CACNA1E: variants seen among roughly 807,000 people sequenced by gnomAD.
The protein encoded by CACNA1E is voltage-dependent R-type calcium channel subunit alpha-1E.
In CACNA1E, 40 loss-of-function variants were observed where a neutral mutation model predicts 259.2. The observed-to-expected ratio is 0.15, with a 90% CI of 0.12 to 0.20. CACNA1E has a LOEUF of 0.20. CACNA1E is among the 10% of genes least tolerant of loss of function. CACNA1E has a pLI of 1.00. For synonymous variants in CACNA1E, 1,104 were observed against 1,138.5 expected, an observed-to-expected ratio of 0.97 and a Z score of 0.61; for missense variants, 1,874 against 3,040.1, an observed-to-expected ratio of 0.62 and a Z score of 9.02.
chr1:181,328,453 G>A (rs1276118204), intron 1 of CACNA1E, among the ~76,000 whole-genome samples: 1 of 152,184 alleles, frequency 6.6e-6, no homozygotes, highest in East Asian at 1.9e-4. Context: ...CAGTGAGCAA[G>A]CCTTTTTCAG....
rs142608889 is a variant in CACNA1E at position 181,664,303 on chromosome 1, G to T, written c.1055+12862G>T. The stretch of plus-strand genomic sequence containing the variant: ...CAACAGAGATGTGATTTACACACAT[G>T]CCCCAGCACAACAACAAAGTGCTCT... On this transcript the variant is annotated intron_variant, in intron 7 of 47. Coordinates refer to ENST00000367573, the MANE Select transcript of CACNA1E (RefSeq NM_001205293.3). 1.8e-3 allele frequency among the ~76,000 whole-genome samples: 272 copies of T among 152,298 alleles called. 2 individuals carry two copies. The highest frequency in any genetic ancestry group is 6.2e-3 in the African/African-American group (259 of 41,562).
At chr1:181,452,494 G>T (rs558658532) in intron 2 of CACNA1E, among the ~76,000 whole-genome samples, 1 of 152,270 alleles carries the variant, frequency 6.6e-6, no homozygotes, top group African/African-American at 2.4e-5. Flanking sequence ...GATGCCTTGG[G>T]CTTGCAGGTG....
intron 1 of CACNA1E, among the ~76,000 whole-genome samples, chr1:181,321,154 T>C (rs1232639860): frequency 6.6e-6 from 1 of 152,134 alleles, no homozygotes; most frequent in African/African-American, 2.4e-5. Flanking sequence ...TCGAGGACGG[T>C]GCCAAGCCAT....
chr1:181,758,179 GACACCCCA>G lies in CACNA1E; in HGVS notation c.4494+72_4494+79del. On this transcript the variant is annotated intron_variant, in intron 31 of 47. Transcript: ENST00000367573. The surrounding 1 kb of genome is among the most constrained non-coding windows in gnomAD (Gnocchi z 4.2). ...GGTTCCCTCCCAGGGCAAGTGGGAA[GACACCCCA>G]ACATCCCAGCCCATCACTGCTTTAC... is the stretch of plus-strand genomic sequence containing the variant. 1 of 1,404,200 alleles carries G rather than the reference GACACCCCA, an allele frequency of 7.1e-7. No individual in the cohort carries two copies. Among genetic ancestry groups the G allele is most frequent in the Non-Finnish European group, 1.0e-6 (1 of 1,001,266 alleles). 87.0% of individuals were successfully genotyped at this position (1,404,200 alleles called of 1,614,324 possible).
At chr1:181,676,388 A>G (rs772488193) in intron 7 of CACNA1E, among the ~76,000 whole-genome samples, 1 of 152,166 alleles carries the variant, frequency 6.6e-6, no homozygotes, top group African/African-American at 2.4e-5. Context: ...TTTCCATAAT[A>G]TAATCGGTGT....
chr1:181,555,887 G>A (rs766649774), intron 3 of CACNA1E, among the ~76,000 whole-genome samples: 2 of 152,178 alleles, frequency 1.3e-5, no homozygotes, highest in Non-Finnish European at 2.9e-5. Context: ...CCTTTCTTAA[G>A]CTTTATGAAG....
chr1:181,472,739 A>G (rs1157523712), intron 2 of CACNA1E, among the ~76,000 whole-genome samples: 1 of 152,218 alleles, frequency 6.6e-6, no homozygotes, highest in Non-Finnish European at 1.5e-5. Flanking sequence ...GTGCGCGCGC[A>G]CTTGAGGTAT....
intron 3 of CACNA1E, among the ~76,000 whole-genome samples, chr1:181,564,564 T>G (rs1289040858): frequency 6.6e-6 from 1 of 152,208 alleles, no homozygotes; most frequent in Non-Finnish European, 1.5e-5. Flanking sequence ...TGGAATCAAC[T>G]TCTTCCAAAT....
intron 38 of CACNA1E, among the ~76,000 whole-genome samples, chr1:181,780,401 C>T (rs1660322218): frequency 6.6e-6 from 1 of 152,164 alleles, no homozygotes; most frequent in African/African-American, 2.4e-5. Context: ...TACTAAGCCC[C>T]TATGTGAGGC....
At chr1:181,443,334 T>C (rs1660613533) in intron 2 of CACNA1E, among the ~76,000 whole-genome samples, 1 of 152,222 alleles carries the variant, frequency 6.6e-6, no homozygotes, top group African/African-American at 2.4e-5. Flanking sequence ...CAGTAGATGT[T>C]TGACACGAAC....
intron 35 of CACNA1E, among the ~76,000 whole-genome samples, chr1:181,769,464 T>TGAG (rs1284228888): frequency 6.6e-6 from 1 of 150,738 alleles, no homozygotes; most frequent in Non-Finnish European, 1.5e-5. Flanking sequence ...TTTGTAAAGA[T>TGAG]GAGGTCTCAC....
intron 10 of CACNA1E, 125 bp from the exon 11 acceptor site, chr1:181,716,968 C>G (rs1490073173): frequency 4.1e-6 from 3 of 733,484 alleles, no homozygotes; most frequent in Non-Finnish European, 7.0e-6. Flanking sequence ...GGGGATTCCC[C>G]ACACCTGCAA....
intron 1 of CACNA1E, among the ~76,000 whole-genome samples, chr1:181,405,128 TA>T (rs1657373380): frequency 6.6e-6 from 1 of 152,232 alleles, no homozygotes; most frequent in Non-Finnish European, 1.5e-5. Flanking sequence ...GTGCTGTCCA[TA>T]ACTTTACTGC....
At chr1:181,708,488 C>T (rs1653013081) in intron 7 of CACNA1E, among the ~76,000 whole-genome samples, 1 of 152,156 alleles carries the variant, frequency 6.6e-6, no homozygotes, top group South Asian at 2.1e-4. Context: ...TGATCATGTT[C>T]CTCCGGTCGT....
Position 181,451,359 on chromosome 1 carries a change from G to GGGTTCCTGTGGTAGGGTTCC in CACNA1E, c.435-32385_435-32384insGGTTCCTGTGGTAGGGTTCC, listed in dbSNP as rs539984670. ...TTCCTGTGGTAGGGTTCCTGTGGCA[G>GGGTTCCTGTGGTAGGGTTCC]TTGGTTGTAAAAAGACAAGAGCTGA... On this transcript the variant is annotated intron_variant, in intron 2 of 11. Coordinates refer to the CACNA1E transcript ENST00000524607. Among the ~76,000 whole-genome samples the GGGTTCCTGTGGTAGGGTTCC allele has an allele frequency of 6.2e-3, 938 of 152,244 alleles. 6 individuals are homozygous for GGGTTCCTGTGGTAGGGTTCC. The highest frequency in any genetic ancestry group is 0.01 in the Non-Finnish European group (711 of 68,006).
chr1:181,419,127 G>C (rs775103847), intron 2 of CACNA1E, among the ~76,000 whole-genome samples: 19 of 152,092 alleles, frequency 1.2e-4, no homozygotes, highest in Non-Finnish European at 1.8e-4. Flanking sequence ...ATTTAGAAAG[G>C]TAGAACAAGT....
At chr1:181,525,442 TA>T (rs996717320) in intron 3 of CACNA1E, among the ~76,000 whole-genome samples, 2 of 152,356 alleles carry the variant, frequency 1.3e-5, no homozygotes, top group Admixed American at 1.3e-4. Context: ...GTGTATTTCA[TA>T]TTTTTTTTAT....
chr1:181,319,282 T>A (rs1650165313), intron 1 of CACNA1E, among the ~76,000 whole-genome samples: 1 of 152,186 alleles, frequency 6.6e-6, no homozygotes, highest in Non-Finnish European at 1.5e-5. Flanking sequence ...CAGAGAAGTG[T>A]TTTCCTGCAA....
intron 7 of CACNA1E, among the ~76,000 whole-genome samples, chr1:181,679,608 A>G (rs1267345160): frequency 6.6e-6 from 1 of 152,202 alleles, no homozygotes; most frequent in African/African-American, 2.4e-5. Flanking sequence ...GCTTGGTCTC[A>G]GGAGGACAGA....
Sources: allele counts gnomAD v4.1 joint callset (sites outside exome capture counted in the v4.1 genomes callset), GRCh38; gene constraint gnomAD v4.1.1; non-coding constraint Gnocchi (gnomAD v3.1); transcripts MANE v1.5; gene names NCBI Gene and HGNC (gene_info 2026-07-23, HGNC 2026-07-21).